Variants in CAPN5 observed in about 807,000 individuals in gnomAD.
CAPN5 encodes calpain-5.
CAPN5 carries 54 observed loss-of-function variants against 73.0 expected under a neutral mutation model. That is an observed-to-expected ratio of 0.74 (90% CI 0.59 to 0.93). The LOEUF (loss-of-function observed/expected upper bound fraction) is 0.93, where lower values mean the gene tolerates loss of function less well. CAPN5 is among the 40% of genes least tolerant of loss of function. The pLI is 0.00. For missense variants in CAPN5, 785 were observed against 882.9 expected (o/e 0.89, Z 1.41); for synonymous variants, 335 against 356.9 (o/e 0.94, Z 0.69).
chr11:77,092,752 A>G (rs1555036716), intron 2 of CAPN5, among the ~76,000 whole-genome samples: 1 of 152,264 alleles, frequency 6.6e-6, no homozygotes, highest in Non-Finnish European at 1.5e-5. Flanking sequence ...CGAGGCCAGC[A>G]GATCAGGAGT....
At chr11:77,123,046 C>T (rs757798861) in intron 12 of CAPN5, among the ~76,000 whole-genome samples, 17 of 152,226 alleles carry the variant, frequency 1.1e-4, no homozygotes, top group Non-Finnish European at 2.2e-4. Context: ...TGGAAAGTGG[C>T]GTTGAGCCAC....
chr11:77,090,966 C>T (rs1950142899), intron 2 of CAPN5, among the ~76,000 whole-genome samples: 1 of 152,184 alleles, frequency 6.6e-6, no homozygotes, highest in Admixed American at 6.5e-5. Context: ...GGCGGCCTCA[C>T]TGGGTTTCCT....
At chr11:77,114,127 G>T in intron 4 of CAPN5, 115 bp from the exon 5 acceptor site, 1 of 913,038 alleles carries the variant, frequency 1.1e-6, no homozygotes, top group Non-Finnish European at 1.8e-6. Flanking sequence ...GGCCTGCTGC[G>T]TGACTGTAAC....
At chr11:77,121,905 C>G in intron 10 of CAPN5, 29 bp from the exon 11 acceptor site, 3 of 1,328,708 alleles carry the variant, frequency 2.3e-6, no homozygotes, top group Non-Finnish European at 3.1e-6. Context: ...TTCTCCATCA[C>G]TCCCCTCTCC....
intron 1 of CAPN5, chr11:77,071,589 GAAA>G (rs778265195): frequency 5.8e-5 from 26 of 449,586 alleles, no homozygotes; most frequent in Non-Finnish European, 1.1e-4. Flanking sequence ...CAGTAGAGCA[GAAA>G]ATACCTTTAT....
chr11:77,123,982 C>G lies in CAPN5; in HGVS notation c.*112C>G, dbSNP rs1950549880. 1 of 1,005,720 alleles carries G rather than the reference C, an allele frequency of 9.9e-7. No homozygotes were observed. The highest frequency in any genetic ancestry group is 1.5e-6 in the Non-Finnish European group (1 of 684,090). The allele number at this position is 1,005,720 out of a possible 1,614,324, so 62.3% of individuals were successfully genotyped here. On this transcript the variant is annotated 3_prime_UTR_variant, in exon 13 of 13. Coordinates refer to ENST00000648180, the MANE Select transcript of CAPN5 (RefSeq NM_004055.5). ...CTGGGGTCCTTTTCCCACTCTTCCA[C>G]TGACTTGCTGTGTGACCTTAGGAAG...
chr11:77,068,167 C>T (rs1362188528), intron 1 of CAPN5, among the ~76,000 whole-genome samples: 2 of 152,130 alleles, frequency 1.3e-5, no homozygotes, highest in African/African-American at 2.4e-5. Flanking sequence ...CCAGGGTCCT[C>T]GGGCTGGTCC....
chr11:77,104,602 C>A (rs1244902093), intron 3 of CAPN5, among the ~76,000 whole-genome samples: 5 of 152,246 alleles, frequency 3.3e-5, no homozygotes, highest in African/African-American at 1.2e-4. Flanking sequence ...TTCCCCTTCG[C>A]ATTGCGCAGT....
chr11:77,075,611 G>C (rs1365851563), intron 1 of CAPN5, among the ~76,000 whole-genome samples: 1 of 152,316 alleles, frequency 6.6e-6, no homozygotes, highest in African/African-American at 2.4e-5. Flanking sequence ...TGAAGGGCCC[G>C]GATCTGCTGG....
Position 77,118,189 on chromosome 11 carries a change from C to T in CAPN5, c.1004C>T (p.Thr335Met), listed in dbSNP as rs370006806. 6 of 1,613,682 alleles carry T rather than the reference C, an allele frequency of 3.7e-6. No individual in the cohort carries two copies. In the African/African-American group the frequency reaches 5.3e-5, roughly 14 times the overall value. Residue 335 changes from threonine (T) to methionine (M), a missense_variant, in exon 8 of 13, where the codon ACG becomes ATG. Thr to Met is a moderately conservative substitution (Grantham distance 81). Coordinates refer to ENST00000648180, the MANE Select transcript of CAPN5 (RefSeq NM_004055.5). ...TTCGAGGACGTGTGCCGGTACTTCA[C>T]GGACATCATCAAGTGCCGCGTGATC... ...MTFEDVCRYF[T>M]DIIKCRVINT...
intron 2 of CAPN5, 104 bp from the exon 3 acceptor site, chr11:77,093,578 C>G (rs1950174489): frequency 6.9e-7 from 1 of 1,443,642 alleles, no homozygotes; most frequent in East Asian, 2.5e-5. Flanking sequence ...GATGATCACA[C>G]AGCAAGTCTG....
chr11:77,081,726 A>G (rs1950030271), intron 1 of CAPN5, among the ~76,000 whole-genome samples: 3 of 152,124 alleles, frequency 2.0e-5, no homozygotes, highest in Admixed American at 2.0e-4. Context: ...CCGCAGCAGA[A>G]TGTGCTAGGG....
chr11:77,093,605 G>T, intron 2 of CAPN5, 77 bp from the exon 3 acceptor site: 1 of 1,240,212 alleles, frequency 8.1e-7, no homozygotes, highest in African/African-American at 1.6e-5. Context: ...TCACGTCTGT[G>T]TCTGTCATGT....
chr11:77,114,631 T>G (rs1444345103), intron 5 of CAPN5, among the ~76,000 whole-genome samples, 197 bp downstream of exon 5: 2 of 152,182 alleles, frequency 1.3e-5, no homozygotes, highest in African/African-American at 4.8e-5. Flanking sequence ...CCCGCACTGT[T>G]CAACCAAAAC....
intron 1 of CAPN5, among the ~76,000 whole-genome samples, chr11:77,081,976 A>G (rs10160300): frequency 0.76 from 115,702 of 151,488 alleles, 44,935 homozygotes; most frequent in African/African-American, 0.92. Flanking sequence ...ATGCAACATA[A>G]CTCCTCAATC....
At chr11:77,077,807 G>A (rs539256436) in intron 1 of CAPN5, among the ~76,000 whole-genome samples, 3 of 152,236 alleles carry the variant, frequency 2.0e-5, no homozygotes, top group South Asian at 2.1e-4. Flanking sequence ...AAGCCACTGC[G>A]CCCAGCCAAT....
At chr11:77,103,117 A>C (rs1950305535) in intron 3 of CAPN5, 1 of 1,613,602 alleles carries the variant, frequency 6.2e-7, no homozygotes, top group South Asian at 1.1e-5. Context: ...GACCTCACCA[A>C]CCTCATGACA....
At chr11:77,114,461 G>A (rs781966371) in intron 5 of CAPN5, 27 bp downstream of exon 5, 18 of 1,599,572 alleles carry the variant, frequency 1.1e-5, no homozygotes, top group African/African-American at 5.4e-5. Context: ...CCCCAGAGGC[G>A]ACCCCTCCCC....
Position 77,116,317 on chromosome 11 carries a change from T to C in CAPN5, c.971+14T>C. 1.2e-6 allele frequency: 2 copies of C among 1,608,002 alleles called. No homozygotes were observed. Among genetic ancestry groups the C allele is most frequent in the Non-Finnish European group, 1.7e-6 (2 of 1,175,990 alleles). On this transcript the variant is annotated intron_variant, in intron 7 of 12. Coordinates refer to ENST00000648180, the MANE Select transcript of CAPN5 (RefSeq NM_004055.5). ...CGGTGAGTTCTGGTGAGTGTGTATG[T>C]GCCCTGGGCGTCCGGGGCTGAGGGG...
Sources: allele counts gnomAD v4.1 joint callset (sites outside exome capture counted in the v4.1 genomes callset), GRCh38; gene constraint gnomAD v4.1.1; transcripts MANE v1.5; gene names NCBI Gene and HGNC (gene_info 2026-07-23, HGNC 2026-07-21).